NAV3: variants seen among roughly 807,000 people sequenced by gnomAD.
The protein encoded by NAV3 is neuron navigator 3, also known as pore membrane and/or filament interacting like protein 1.
Under a neutral mutation model 244.7 loss-of-function variants are expected in NAV3, and 87 were observed. That is an observed-to-expected ratio of 0.36 (90% CI 0.30 to 0.42). The LOEUF (loss-of-function observed/expected upper bound fraction) is 0.42, where lower values mean the gene tolerates loss of function less well. Ranked by LOEUF, NAV3 falls within the 20% of genes least tolerant of loss-of-function variation. NAV3 has a pLI of 1.00. For synonymous variants in NAV3, 1,126 were observed against 1,042.2 expected, an observed-to-expected ratio of 1.08 and a Z score of -1.55; for missense variants, 2,663 against 2,893.3, an observed-to-expected ratio of 0.92 and a Z score of 1.83.
At chr12:77,880,695 TC>T (rs758265538) in intron 1 of NAV3, among the ~76,000 whole-genome samples, 6 of 152,178 alleles carry the variant, frequency 3.9e-5, no homozygotes, top group Non-Finnish European at 7.4e-5. Context: ...TTGTGTCTTT[TC>T]TACGTTCAGA....
At chr12:77,799,516 T>C (rs1432347138) in intron 2 of NAV3, among the ~76,000 whole-genome samples, 2 of 152,210 alleles carry the variant, frequency 1.3e-5, no homozygotes, top group African/African-American at 4.8e-5. Flanking sequence ...AGAAGGTTTA[T>C]TCCTCCCTTG....
chr12:78,059,516 T>C (rs1884011598), intron 12 of NAV3, among the ~76,000 whole-genome samples: 1 of 152,100 alleles, frequency 6.6e-6, no homozygotes, highest in Non-Finnish European at 1.5e-5. Context: ...CTCCATCTCT[T>C]GACCTTGTGA....
intron 1 of NAV3, among the ~76,000 whole-genome samples, chr12:77,853,132 GC>G (rs1877806484): frequency 1.3e-5 from 2 of 152,122 alleles, no homozygotes; most frequent in African/African-American, 2.4e-5. Context: ...CCACATCTCT[GC>G]CCTCTGGTAT....
At chr12:77,880,073 A>C (rs906094794) in intron 1 of NAV3, among the ~76,000 whole-genome samples, 4 of 152,192 alleles carry the variant, frequency 2.6e-5, no homozygotes, top group African/African-American at 9.6e-5. Flanking sequence ...GGCAGTAGTG[A>C]TGATTAATGA....
intron 1 of NAV3, among the ~76,000 whole-genome samples, chr12:77,869,000 A>G (rs1473432380): frequency 2.0e-5 from 3 of 152,016 alleles, no homozygotes; most frequent in Non-Finnish European, 4.4e-5. Context: ...TGAACCTGGG[A>G]GGTGGAGGTT....
rs943886419 is a variant in NAV3, at chr12:77,641,166, G to A, written c.72+68900G>A. On this transcript the variant is annotated intron_variant, in intron 2 of 8. Coordinates refer to the NAV3 transcript ENST00000550042. ...TTTTTCTTTCTCATTTCCCCTTTTT[G>A]ATCAAAATCTTTTTTTCTCAAAAGC... 1.1e-4 allele frequency among the ~76,000 whole-genome samples: 16 copies of A among 151,954 alleles called. 1 individual carries two copies. In the East Asian group the frequency reaches 2.9e-3, roughly 28 times the overall value.
chr12:77,636,337 G>T (rs1209619825), intron 2 of NAV3, among the ~76,000 whole-genome samples: 1 of 151,752 alleles, frequency 6.6e-6, no homozygotes, highest in Non-Finnish European at 1.5e-5. Context: ...GTGGTGGTGG[G>T]CGCCTGTAGT....
chr12:77,593,143 A>G (rs763500350), intron 2 of NAV3, among the ~76,000 whole-genome samples: 5 of 152,106 alleles, frequency 3.3e-5, no homozygotes, highest in Non-Finnish European at 5.9e-5. Context: ...GAGAAACCCA[A>G]ATCAACCCAT....
At chr12:78,087,646 G>A (rs969268256) in intron 12 of NAV3, among the ~76,000 whole-genome samples, 4 of 152,070 alleles carry the variant, frequency 2.6e-5, no homozygotes, top group Non-Finnish European at 5.9e-5. Flanking sequence ...TAACCTTCTT[G>A]TCTTTCTCTA....
At chr12:77,976,161 G>A (rs1447081731) in intron 5 of NAV3, among the ~76,000 whole-genome samples, 1 of 152,178 alleles carries the variant, frequency 6.6e-6, no homozygotes, top group Non-Finnish European at 1.5e-5. Flanking sequence ...TTGGTAGGGA[G>A]AAGGTCAGAT....
rs138552108 is a variant in NAV3 at position 77,908,561 on chromosome 12, T to C, written c.244-31758T>C. On this transcript the variant is annotated intron_variant, in intron 1 of 39. Transcript: ENST00000397909. ...TTATTCTTTAGCTTCCAGTGTCTAGTTTTTTATGATTGTATTGATTTTGTT... is the reference window on the plus strand; with the variant it reads ...TTATTCTTTAGCTTCCAGTGTCTAGCTTTTTATGATTGTATTGATTTTGTT... 2.6e-3 allele frequency among the ~76,000 whole-genome samples: 403 copies of C among 152,196 alleles called. 4 individuals are homozygous for C. Among genetic ancestry groups the C allele is most frequent in the Middle Eastern group, 0.01 (3 of 294 alleles).
At chr12:77,884,523 G>A (rs1373726633) in intron 1 of NAV3, among the ~76,000 whole-genome samples, 1 of 152,042 alleles carries the variant, frequency 6.6e-6, no homozygotes, top group Non-Finnish European at 1.5e-5. Context: ...CCCAAAAGCT[G>A]GAGAACCTGG....
intron 11 of NAV3, chr12:78,052,069 A>G (rs928673252): frequency 6.6e-6 from 1 of 152,134 alleles, no homozygotes; most frequent in Non-Finnish European, 1.5e-5. Context: ...CTTCCCAATT[A>G]ACTTTGTCTA....
At chr12:78,057,252 A>G (rs1883645235) in intron 11 of NAV3, among the ~76,000 whole-genome samples, 1 of 152,252 alleles carries the variant, frequency 6.6e-6, no homozygotes, top group Admixed American at 6.5e-5. Flanking sequence ...GGCCAAGAAT[A>G]TAACCTAAAA....
At chr12:77,611,979 T>C (rs978813928) in intron 2 of NAV3, among the ~76,000 whole-genome samples, 5 of 152,046 alleles carry the variant, frequency 3.3e-5, no homozygotes, top group African/African-American at 1.2e-4. Flanking sequence ...ATCCTGCAAA[T>C]ATTGTGCCAG....
chr12:77,938,205 G>C (rs1236347793), intron 1 of NAV3, among the ~76,000 whole-genome samples: 1 of 152,134 alleles, frequency 6.6e-6, no homozygotes, highest in Non-Finnish European at 1.5e-5. Flanking sequence ...TTTAAATGAA[G>C]TGTTAAGAAG....
intron 7 of NAV3, among the ~76,000 whole-genome samples, chr12:78,002,828 T>C (rs7312826): frequency 0.37 from 56,445 of 151,602 alleles, 11,370 homozygotes; most frequent in South Asian, 0.45. Flanking sequence ...TGTAAATATA[T>C]GTATATATCT....
At chr12:78,195,905 C>T (rs191480158) in intron 34 of NAV3, among the ~76,000 whole-genome samples, 1 of 152,100 alleles carries the variant, frequency 6.6e-6, no homozygotes, top group Admixed American at 6.6e-5. Context: ...CCTGATTACC[C>T]TTTTTAGTCC....
intron 8 of NAV3, among the ~76,000 whole-genome samples, chr12:78,009,680 A>C (rs987184326): frequency 3.3e-5 from 5 of 152,112 alleles, no homozygotes; most frequent in African/African-American, 1.2e-4. Context: ...CCTATTTTGA[A>C]GATTGAGTTG....
Sources: gnomAD v4.1 joint callset for allele counts (sites outside exome capture counted in the v4.1 genomes callset) on GRCh38, gnomAD v4.1.1 for gene constraint, MANE v1.5 for transcripts, NCBI Gene and HGNC (gene_info 2026-07-23, HGNC 2026-07-21) for gene names.